CACNA1C: variants seen among roughly 807,000 people sequenced by gnomAD.
The protein encoded by CACNA1C is calcium voltage-gated channel subunit alpha1 C.
A neutral mutation model predicts 229.0 loss-of-function variants in CACNA1C; 30 were observed. That is an observed-to-expected ratio of 0.13 (90% confidence interval 0.10 to 0.18). The LOEUF is 0.18. Among genes scored for constraint, CACNA1C ranks in the 10% least tolerant of loss-of-function variants. The pLI is 1.00. For missense variants in CACNA1C, 1,658 were observed against 2,845.0 expected (o/e 0.58, Z 9.49); for synonymous variants, 1,114 against 1,132.5 (o/e 0.98, Z 0.33).
chr12:2,481,053 G>A (rs527566869), intron 5 of CACNA1C, among the ~76,000 whole-genome samples: 4 of 152,238 alleles, frequency 2.6e-5, no homozygotes, highest in Admixed American at 6.5e-5. Flanking sequence ...CTTGAATCAG[G>A]CACATTACCT....
At chr12:1,975,957 C>T (rs1293645251) in intron 1 of CACNA1C, among the ~76,000 whole-genome samples, 1 of 152,134 alleles carries the variant, frequency 6.6e-6, no homozygotes, top group East Asian at 1.9e-4. Flanking sequence ...TGTGTATCTG[C>T]TTATGTGTGT....
Position 2,519,204 on chromosome 12 carries a change from T to C in CACNA1C, c.1390+6220T>C, listed in dbSNP as rs916333821. Among the ~76,000 whole-genome samples, 3 of 152,224 alleles carry C rather than the reference T, an allele frequency of 2.0e-5. 1 individual carries two copies. The South Asian group carries it at 6.2e-4, about 32-fold the overall frequency. On this transcript the variant is annotated intron_variant, in intron 9 of 46. Coordinates refer to ENST00000399655, the MANE Select transcript of CACNA1C (RefSeq NM_000719.7). The stretch of plus-strand genomic sequence containing the variant: ...TTGCTGGGCTACACTGAGAGGTCCT[T>C]CTTGGGGCTGCCTTTAATTCACCGT...
chr12:2,362,135 T>TC (rs2097573942), intron 3 of CACNA1C, among the ~76,000 whole-genome samples: 1 of 152,134 alleles, frequency 6.6e-6, no homozygotes, highest in Non-Finnish European at 1.5e-5. Flanking sequence ...ACATGGTATG[T>TC]CCCCCTGGCC....
At chr12:2,680,734 A>G (rs1003933175) in intron 42 of CACNA1C, among the ~76,000 whole-genome samples, 3 of 152,242 alleles carry the variant, frequency 2.0e-5, no homozygotes, top group Non-Finnish European at 2.9e-5. Flanking sequence ...ATGCAAGCCC[A>G]TGGGACTCAG....
intron 3 of CACNA1C, among the ~76,000 whole-genome samples, chr12:2,389,744 C>T (rs2098452878): frequency 6.6e-6 from 1 of 152,306 alleles, no homozygotes; most frequent in Non-Finnish European, 1.5e-5. Context: ...CTGTCACCAG[C>T]CTTTCGGAGT....
At chr12:2,231,837 C>A (rs538701439) in intron 3 of CACNA1C, among the ~76,000 whole-genome samples, 4 of 152,248 alleles carry the variant, frequency 2.6e-5, no homozygotes, top group Non-Finnish European at 5.9e-5. Flanking sequence ...TTATCACTTA[C>A]CAGTTTTTGG....
At chr12:1,994,285 G>A (rs2040262006) in intron 1 of CACNA1C, among the ~76,000 whole-genome samples, 1 of 152,210 alleles carries the variant, frequency 6.6e-6, no homozygotes, top group African/African-American at 2.4e-5. Context: ...TTAAATGAGG[G>A]TGCTAGGGCT....
rs1219084901 is a variant in CACNA1C at position 2,653,040 on chromosome 12, C to T, written c.4075-795C>T. ...CGGTGGCCACGGCTGAAGCGGCGCC[C>T]GGGAACACGGGCTGGGCCTCCCATC... On this transcript the variant is annotated intron_variant, in intron 32 of 46. Transcript: ENST00000399655. The surrounding 1 kb of genome is among the most constrained non-coding windows in gnomAD (Gnocchi z 4.7). Among the ~76,000 whole-genome samples, 3 of 152,224 alleles carry T rather than the reference C, an allele frequency of 2.0e-5. No individual in the cohort carries two copies. The highest frequency in any genetic ancestry group is 2.9e-5 in the Non-Finnish European group (2 of 68,042).
chr12:2,205,915 C>T (rs989866705), intron 3 of CACNA1C, among the ~76,000 whole-genome samples: 1 of 152,180 alleles, frequency 6.6e-6, no homozygotes, highest in Non-Finnish European at 1.5e-5. Flanking sequence ...TCTCTGGAGT[C>T]TCTAAGAGTG....
At chr12:2,068,358 G>A (rs927391332) in intron 1 of CACNA1C, among the ~76,000 whole-genome samples, 9 of 152,212 alleles carry the variant, frequency 5.9e-5, no homozygotes, top group Non-Finnish European at 1.5e-5. Flanking sequence ...GGAGGGTTGT[G>A]AGTGGCCTGG....
intron 2 of CACNA1C, among the ~76,000 whole-genome samples, chr12:2,115,910 G>A (rs925024692): frequency 5.9e-5 from 9 of 152,248 alleles, no homozygotes; most frequent in African/African-American, 2.2e-4. Flanking sequence ...ATGTGTTGGG[G>A]TAACAGTCGT....
At chr12:2,395,998 A>G (rs766305258) in intron 3 of CACNA1C, among the ~76,000 whole-genome samples, 1 of 152,034 alleles carries the variant, frequency 6.6e-6, no homozygotes, top group Non-Finnish European at 1.5e-5. Context: ...ATTCCAGTCT[A>G]CCTCACTGGA....
chr12:2,334,214 C>T (rs1466543767), intron 3 of CACNA1C, among the ~76,000 whole-genome samples: 2 of 152,220 alleles, frequency 1.3e-5, no homozygotes, highest in Admixed American at 1.3e-4. Context: ...CATTTGGCCA[C>T]TCATGATGTC....
At chr12:2,377,258 G>C (rs887763926) in intron 3 of CACNA1C, among the ~76,000 whole-genome samples, 1 of 152,080 alleles carries the variant, frequency 6.6e-6, no homozygotes, top group Non-Finnish European at 1.5e-5. Context: ...CTCCTCTCCC[G>C]GCCCCCGTTC....
intron 5 of CACNA1C, among the ~76,000 whole-genome samples, chr12:2,474,392 G>T (rs1380870458): frequency 6.6e-6 from 1 of 152,174 alleles, no homozygotes; most frequent in African/African-American, 2.4e-5. Flanking sequence ...AAACCCAGTT[G>T]TCTGGTTCTG....
intron 3 of CACNA1C, among the ~76,000 whole-genome samples, chr12:2,174,739 C>G (rs542938320): frequency 1.9e-4 from 29 of 152,252 alleles, no homozygotes; most frequent in African/African-American, 6.5e-4. Context: ...TTACCTGAAG[C>G]CTGACTGATA....
At chr12:2,111,892 G>T (rs1477067511) in intron 1 of CACNA1C, among the ~76,000 whole-genome samples, 4 of 152,214 alleles carry the variant, frequency 2.6e-5, no homozygotes. Context: ...TACTGCGGGG[G>T]CAGGTGGTGT....
intron 5 of CACNA1C, among the ~76,000 whole-genome samples, chr12:2,470,303 C>T (rs1487621570): frequency 1.3e-5 from 2 of 152,198 alleles, no homozygotes; most frequent in East Asian, 1.9e-4. Flanking sequence ...TGTCTGGAGA[C>T]CTCCAAACAT....
chr12:2,576,482 G>A (rs1395591714), intron 13 of CACNA1C, among the ~76,000 whole-genome samples: 2 of 152,188 alleles, frequency 1.3e-5, no homozygotes, highest in Non-Finnish European at 2.9e-5. Flanking sequence ...TTGCTCTGCT[G>A]CTGCTCGCTT....
Sources: gnomAD v4.1 joint callset for allele counts (sites outside exome capture counted in the v4.1 genomes callset) on GRCh38, gnomAD v4.1.1 for gene constraint, Gnocchi (gnomAD v3.1) non-coding constraint, MANE v1.5 for transcripts, NCBI Gene and HGNC (gene_info 2026-07-23, HGNC 2026-07-21) for gene names.